STAU2: variants seen among roughly 807,000 people sequenced by gnomAD.
STAU2 encodes staufen double-stranded RNA binding protein 2, also known as double-stranded RNA-binding protein Staufen homolog 2.
A neutral mutation model predicts 65.9 loss-of-function variants in STAU2; 20 were observed. That is an observed-to-expected ratio of 0.30 (90% confidence interval 0.21 to 0.44). The LOEUF (loss-of-function observed/expected upper bound fraction) is 0.44. Ranked by LOEUF, STAU2 falls within the 20% of genes least tolerant of loss-of-function variation. The pLI is 1.00. For synonymous variants in STAU2, 232 were observed against 233.9 expected, an observed-to-expected ratio of 0.99 and a Z score of 0.07; for missense variants, 558 against 683.9, an observed-to-expected ratio of 0.82 and a Z score of 2.05.
At chr8:73,736,017 C>A (rs1806404861) in intron 3 of STAU2, among the ~76,000 whole-genome samples, 1 of 152,172 alleles carries the variant, frequency 6.6e-6, no homozygotes, top group African/African-American at 2.4e-5. Context: ...AATGCTTCCA[C>A]TGGGATTTGA....
intron 13 of STAU2, among the ~76,000 whole-genome samples, chr8:73,459,007 A>C (rs1819211340): frequency 6.6e-6 from 1 of 152,246 alleles, no homozygotes; most frequent in South Asian, 2.1e-4. Context: ...CCCTACAATG[A>C]CTAAATGATT....
intron 5 of STAU2, among the ~76,000 whole-genome samples, chr8:73,675,740 T>G (rs77598025): frequency 6.6e-6 from 1 of 152,164 alleles, no homozygotes; most frequent in Non-Finnish European, 1.5e-5. Flanking sequence ...TGTTACAGAT[T>G]GAAGTGGAAT....
intron 13 of STAU2, among the ~76,000 whole-genome samples, chr8:73,451,405 T>C (rs988699230): frequency 2.6e-5 from 4 of 151,904 alleles, no homozygotes; most frequent in Non-Finnish European, 5.9e-5. Context: ...CTGAGCTCAG[T>C]TGGGGAAACT....
At chr8:73,571,462 T>C (rs1187439655) in intron 12 of STAU2, among the ~76,000 whole-genome samples, 1 of 152,172 alleles carries the variant, frequency 6.6e-6, no homozygotes, top group African/African-American at 2.4e-5. Flanking sequence ...CAGCACCACA[T>C]CGCACTTATT....
chr8:73,613,991 A>G (rs1356337880), intron 8 of STAU2, 35 bp from the exon 9 acceptor site: 3 of 1,490,544 alleles, frequency 2.0e-6, no homozygotes, highest in Non-Finnish European at 2.7e-6. Flanking sequence ...AATAATGGAT[A>G]GGCACTTGAG....
chr8:73,633,056 T>C lies in STAU2; in HGVS notation c.411-15605A>G, dbSNP rs573306688. On this transcript the variant is annotated intron_variant, in intron 6 of 14. Coordinates refer to ENST00000524300, the MANE Select transcript of STAU2 (RefSeq NM_001164380.2). The stretch of plus-strand genomic sequence containing the variant: ...AAGGGAGTTGTATTCACTGCAGCCC[T>C]AGTGTATGGTATCCAGCATGATACC... Among the ~76,000 whole-genome samples, 46 of 152,288 alleles carry C rather than the reference T, an allele frequency of 3.0e-4. No homozygotes were observed. The South Asian group carries it at 9.1e-3, about 30-fold the overall frequency.
chr8:73,613,834 G>C lies in STAU2; in HGVS notation c.801C>G (p.Thr267=). The C allele has an allele frequency of 1.9e-6, 3 of 1,613,728 alleles. No homozygotes were observed. Among genetic ancestry groups the C allele is most frequent in the Non-Finnish European group, 2.5e-6 (3 of 1,179,812 alleles). ...KKLSKKRAAT[T]VLQELKKLPP... ...GAAGTTTTTTAAGCTCCTGTAAGAC[G>C]GTGGTCGCAGCGCGCTTCTTGGAGA... The change falls in exon 9 of 15, where the codon ACC becomes ACG. Residue 267 remains threonine, a synonymous_variant. Coordinates refer to ENST00000524300, the MANE Select transcript of STAU2 (RefSeq NM_001164380.2).
chr8:73,556,337 T>C (rs935124134), intron 12 of STAU2, among the ~76,000 whole-genome samples: 2 of 152,274 alleles, frequency 1.3e-5, no homozygotes, highest in African/African-American at 4.8e-5. Context: ...GAATTGCTAG[T>C]TGAAAGGATA....
At chr8:73,523,051 T>C (rs6994969) in intron 13 of STAU2, among the ~76,000 whole-genome samples, 138,008 of 151,926 alleles carry the variant, frequency 0.91, 62,831 homozygotes, top group Middle Eastern at 0.95. Flanking sequence ...CAAAAATTAG[T>C]CAGGTGTGGT....
At chr8:73,526,462 T>C (rs1226099887) in intron 13 of STAU2, among the ~76,000 whole-genome samples, 1 of 152,190 alleles carries the variant, frequency 6.6e-6, no homozygotes, top group Non-Finnish European at 1.5e-5. Context: ...AGTTGGACAA[T>C]GATAAATCAT....
chr8:73,609,939 G>A (rs1812322680), intron 9 of STAU2, among the ~76,000 whole-genome samples: 1 of 152,074 alleles, frequency 6.6e-6, no homozygotes, highest in South Asian at 2.1e-4. Flanking sequence ...AAAAGAATCA[G>A]ATACATAAAT....
At chr8:73,585,003 T>C (rs1285755577) in intron 11 of STAU2, among the ~76,000 whole-genome samples, 5 of 152,252 alleles carry the variant, frequency 3.3e-5, no homozygotes, top group Admixed American at 2.0e-4. Flanking sequence ...CTTATCAAAG[T>C]GCTGACAACT....
chr8:73,584,320 C>T (rs1810212396), intron 11 of STAU2, among the ~76,000 whole-genome samples: 1 of 152,124 alleles, frequency 6.6e-6, no homozygotes, highest in African/African-American at 2.4e-5. Context: ...CACAGGCATC[C>T]TTCACAAGAG....
intron 12 of STAU2, among the ~76,000 whole-genome samples, chr8:73,576,907 C>T (rs887027945): frequency 6.6e-6 from 1 of 152,152 alleles, no homozygotes; most frequent in African/African-American, 2.4e-5. Flanking sequence ...AGATATTTAT[C>T]TGTGTTATCA....
intron 12 of STAU2, among the ~76,000 whole-genome samples, chr8:73,567,554 CT>C (rs796990881): frequency 1.2e-3 from 173 of 144,088 alleles, no homozygotes; most frequent in Middle Eastern, 3.6e-3. Context: ...GTCTCTCTCT[CT>C]TTTTTTTTTT....
chr8:73,734,233 G>GC (rs1554573175), intron 3 of STAU2, among the ~76,000 whole-genome samples: 1 of 131,586 alleles, frequency 7.6e-6, no homozygotes, highest in Non-Finnish European at 1.6e-5. Flanking sequence ...TTCAGGGTTT[G>GC]TTTTTTTTTT....
intron 13 of STAU2, among the ~76,000 whole-genome samples, chr8:73,481,574 G>T (rs77696697): frequency 6.6e-6 from 1 of 150,584 alleles, no homozygotes. Context: ...TAGCGAGAAC[G>T]GGCTTTCTGC....
intron 5 of STAU2, among the ~76,000 whole-genome samples, chr8:73,675,176 T>C (rs201600343): frequency 3.3e-3 from 469 of 143,902 alleles, no homozygotes; most frequent in East Asian, 6.1e-3. Flanking sequence ...GGAAATTAAA[T>C]AACCTGCTCC....
intron 4 of STAU2, among the ~76,000 whole-genome samples, chr8:73,708,667 G>A (rs578259535): frequency 3.9e-5 from 6 of 152,214 alleles, no homozygotes; most frequent in Middle Eastern, 6.8e-3. Context: ...TTAATGGAAA[G>A]CACACCATAT....
Sources: gnomAD v4.1 joint callset for allele counts (sites outside exome capture counted in the v4.1 genomes callset) on GRCh38, gnomAD v4.1.1 for gene constraint, MANE v1.5 for transcripts, NCBI Gene and HGNC (gene_info 2026-07-23, HGNC 2026-07-21) for gene names.